ZNF385D: variants seen among roughly 807,000 people sequenced by gnomAD.
ZNF385D encodes zinc finger protein 385D.
Under a neutral mutation model 35.8 loss-of-function variants are expected in ZNF385D, and 15 were observed. The observed-to-expected ratio is 0.42, with a 90% CI of 0.28 to 0.64. The LOEUF (loss-of-function observed/expected upper bound fraction) is 0.64. Ranked by LOEUF, ZNF385D falls within the 30% of genes least tolerant of loss-of-function variation. The pLI is 0.23. For missense variants in ZNF385D, 474 were observed against 494.6 expected, an observed-to-expected ratio of 0.96 and a Z score of 0.39; for synonymous variants, 212 against 186.8, an observed-to-expected ratio of 1.13 and a Z score of -1.10.
chr3:21,891,705 C>T (rs1698876056), intron 3 of ZNF385D, among the ~76,000 whole-genome samples: 1 of 152,122 alleles, frequency 6.6e-6, no homozygotes, highest in Admixed American at 6.6e-5. Context: ...TGAAATTAGG[C>T]TGAGAGGCCT....
intron 2 of ZNF385D, among the ~76,000 whole-genome samples, chr3:21,663,919 T>TATATA (rs1201308131): frequency 1.0e-3 from 41 of 39,206 alleles, no homozygotes; most frequent in African/African-American, 2.2e-3. Context: ...ATATATATAT[T>TATATA]TATTTATTTA....
intron 3 of ZNF385D, among the ~76,000 whole-genome samples, chr3:22,101,710 G>C (rs928568551): frequency 1.3e-5 from 2 of 151,900 alleles, no homozygotes; most frequent in African/African-American, 4.8e-5. Flanking sequence ...AGGATTCTCT[G>C]GCAAAAATAA....
intron 3 of ZNF385D, among the ~76,000 whole-genome samples, chr3:22,032,087 G>C (rs913595116): frequency 2.6e-5 from 4 of 152,150 alleles, no homozygotes; most frequent in African/African-American, 9.7e-5. Context: ...CTCCATCTGA[G>C]ACCACCCCAG....
intron 1 of ZNF385D, among the ~76,000 whole-genome samples, chr3:21,714,600 T>C (rs2068240359): frequency 6.6e-6 from 1 of 152,240 alleles, no homozygotes; most frequent in African/African-American, 2.4e-5. Flanking sequence ...TCTTTCTCGT[T>C]TGCATCATAA....
chr3:21,582,479 T>C (rs2063695522), intron 2 of ZNF385D, among the ~76,000 whole-genome samples: 1 of 152,184 alleles, frequency 6.6e-6, no homozygotes, highest in Non-Finnish European at 1.5e-5. Flanking sequence ...TTCTCTACTC[T>C]GCCTATTTTT....
intron 4 of ZNF385D, among the ~76,000 whole-genome samples, chr3:21,437,617 A>G (rs909048985): frequency 6.9e-6 from 1 of 144,980 alleles, no homozygotes; most frequent in Non-Finnish European, 1.5e-5. Flanking sequence ...ATTTTTCTTT[A>G]CTACTTATCT....
chr3:21,654,644 A>C (rs2066019125), intron 2 of ZNF385D, among the ~76,000 whole-genome samples: 1 of 152,098 alleles, frequency 6.6e-6, no homozygotes, highest in Non-Finnish European at 1.5e-5. Flanking sequence ...GTCATAGACC[A>C]ATACTTTTAT....
intron 4 of ZNF385D, among the ~76,000 whole-genome samples, chr3:21,503,011 C>T (rs946711777): frequency 1.3e-5 from 2 of 152,168 alleles, no homozygotes; most frequent in African/African-American, 4.8e-5. Flanking sequence ...ACAATTTCCA[C>T]ATTGATAAGA....
At chr3:21,710,292 C>T (rs182895575) in intron 1 of ZNF385D, among the ~76,000 whole-genome samples, 7 of 152,166 alleles carry the variant, frequency 4.6e-5, no homozygotes, top group East Asian at 3.9e-4. Context: ...TACACTTTTA[C>T]GAAAATAAAT....
intron 1 of ZNF385D, among the ~76,000 whole-genome samples, chr3:21,682,684 C>T (rs1272630854): frequency 6.7e-6 from 1 of 149,808 alleles, no homozygotes; most frequent in Non-Finnish European, 1.5e-5. Flanking sequence ...CTGGATGAAA[C>T]CTTAGCAATC....
At chr3:21,657,183 G>T (rs554073539) in intron 2 of ZNF385D, among the ~76,000 whole-genome samples, 4 of 152,020 alleles carry the variant, frequency 2.6e-5, no homozygotes, top group East Asian at 3.9e-4. Flanking sequence ...CACATTGCTT[G>T]CCACTTAAGA....
At chr3:22,358,854 G>T (rs1445303721) in intron 2 of ZNF385D, among the ~76,000 whole-genome samples, 1 of 151,466 alleles carries the variant, frequency 6.6e-6, no homozygotes, top group East Asian at 1.9e-4. Context: ...ATGCCTAGTG[G>T]GGCTTAAATG....
intron 3 of ZNF385D, among the ~76,000 whole-genome samples, chr3:21,763,276 G>T (rs988801289): frequency 1.3e-5 from 2 of 152,108 alleles, no homozygotes; most frequent in African/African-American, 4.8e-5. Context: ...GAGCTGTCAG[G>T]TCTCCCCGGA....
intron 4 of ZNF385D, among the ~76,000 whole-genome samples, chr3:21,439,683 C>G (rs1435731089): frequency 6.6e-6 from 1 of 151,944 alleles, no homozygotes; most frequent in East Asian, 1.9e-4. Context: ...TAAACAAAAC[C>G]AGGAATCTTT....
chr3:21,753,386 A>C (rs565407667), upstream of ZNF385D, among the ~76,000 whole-genome samples: 12 of 152,338 alleles, frequency 7.9e-5, no homozygotes, highest in South Asian at 4.1e-4. Flanking sequence ...CATGTTCTAG[A>C]AACAAATATA....
chr3:21,534,906 G>A (rs1173783760), intron 3 of ZNF385D, among the ~76,000 whole-genome samples: 2 of 152,104 alleles, frequency 1.3e-5, no homozygotes, highest in Non-Finnish European at 2.9e-5. Flanking sequence ...AAGTCCAGGT[G>A]TTTAAAATCT....
At chr3:22,239,293 C>A (rs34537670) in intron 2 of ZNF385D, among the ~76,000 whole-genome samples, 1 of 150,888 alleles carries the variant, frequency 6.6e-6, no homozygotes, top group African/African-American at 2.5e-5. Flanking sequence ...GGTGCTTTCA[C>A]GCTAAAATGG....
At chr3:21,890,318 A>T (rs1243883660) in intron 3 of ZNF385D, among the ~76,000 whole-genome samples, 1 of 152,168 alleles carries the variant, frequency 6.6e-6, no homozygotes, top group Non-Finnish European at 1.5e-5. Flanking sequence ...AGACTCAGGC[A>T]GTATAATAAA....
intron 3 of ZNF385D, among the ~76,000 whole-genome samples, chr3:22,166,401 T>G (rs1706333000): frequency 6.6e-6 from 1 of 152,184 alleles, no homozygotes; most frequent in Non-Finnish European, 1.5e-5. Flanking sequence ...AAAGGCATAG[T>G]TTGTACAGAA....
Sources: allele counts gnomAD v4.1 joint callset (sites outside exome capture counted in the v4.1 genomes callset), GRCh38; gene constraint gnomAD v4.1.1; transcripts MANE v1.5; gene names NCBI Gene and HGNC (gene_info 2026-07-23, HGNC 2026-07-21).